Variants in ACSS1 observed in about 807,000 individuals in gnomAD.
The protein encoded by ACSS1 is acyl-CoA synthetase short chain family member 1.
Under a neutral mutation model 75.3 loss-of-function variants are expected in ACSS1, and 42 were observed. The ratio of observed to expected loss-of-function variants is 0.56; its 90% CI spans 0.44 to 0.72. The LOEUF is 0.72. Ranked by LOEUF, ACSS1 falls within the 30% of genes least tolerant of loss-of-function variation. The probability of loss-of-function intolerance (pLI) is 0.00; values close to 1 mark genes in which losing one functional copy is unlikely to be tolerated. For synonymous variants in ACSS1, 380 were observed against 376.8 expected (o/e 1.01, Z -0.10); for missense variants, 782 against 935.7 (o/e 0.84, Z 2.14).
rs1268849833 is a variant in ACSS1 at position 25,057,860 on chromosome 20, G to A, written c.243C>T (p.Leu81=). 4.3e-6 allele frequency: 7 copies of A among 1,612,680 alleles called. No homozygotes were observed. The highest frequency in any genetic ancestry group is 2.2e-5 in the South Asian group (2 of 90,976). Residue 81 remains leucine (L), a synonymous_variant, in exon 1 of 14, where the codon CTC becomes CTT. Coordinates refer to ENST00000323482, the MANE Select transcript of ACSS1 (RefSeq NM_032501.4). The part of the protein sequence containing the change: ...AFWGPLARDT[L]VWDTPYHTVW... ...CGGTGTGGTAGGGGGTGTCCCACAC[G>A]AGAGTGTCCCGCGCCAGAGGCCCCC...
rs117471189 is a variant in ACSS1, at chr20:25,029,685, G to C, written c.631+1074C>G. 3.0e-3 allele frequency among the ~76,000 whole-genome samples: 454 copies of C among 152,274 alleles called. 19 individuals are homozygous for C. The East Asian group carries it at 0.082, about 28-fold the overall frequency. ...ATACATGCCACAACATGGATGAATG[G>C]AGAATGTCTGCTTAATGGGTGTAAA... On this transcript the variant is annotated intron_variant, in intron 3 of 13. Transcript: ENST00000323482.
chr20:25,031,402 G>T (rs148355996), intron 2 of ACSS1, among the ~76,000 whole-genome samples: 4 of 152,254 alleles, frequency 2.6e-5, no homozygotes, highest in African/African-American at 7.2e-5. Context: ...ATGTCCAGAT[G>T]CCCCAATATT....
intron 2 of ACSS1, among the ~76,000 whole-genome samples, chr20:25,040,590 C>G (rs1288987564): frequency 6.6e-6 from 1 of 152,252 alleles, no homozygotes. Context: ...AGTTTCTCTG[C>G]AAAAGAAGCC....
At chr20:25,045,324 G>A (rs1186779974) in intron 2 of ACSS1, among the ~76,000 whole-genome samples, 1 of 152,150 alleles carries the variant, frequency 6.6e-6, no homozygotes, top group Non-Finnish European at 1.5e-5. Context: ...AGGACCTGGG[G>A]AAGCAGGGAT....
chr20:25,032,497 T>G (rs575810294), intron 2 of ACSS1: 1 of 1,272,560 alleles, frequency 7.9e-7, no homozygotes, highest in Non-Finnish European at 9.9e-7. Flanking sequence ...TGTACTGACT[T>G]TAATTAATTA....
Position 25,007,330 on chromosome 20 carries a change from T to C in ACSS1, c.*432A>G, listed in dbSNP as rs773166186. The C allele has an allele frequency of 5.6e-6, 6 of 1,072,768 alleles. No individual in the cohort carries two copies. Among genetic ancestry groups the C allele is most frequent in the African/African-American group, 5.0e-5 (3 of 60,236 alleles). 66.5% of individuals were successfully genotyped at this position (1,072,768 alleles called of 1,614,324 possible). A position where few individuals can be genotyped will look rare whatever the true frequency, so the allele number is the denominator to read the frequency against. On this transcript the variant is annotated 3_prime_UTR_variant, in exon 14 of 14. Transcript: ENST00000323482. ...AGTGTTGCATGCTGTTCTTCCACAA[T>C]ATAAAAGTATAAAAATAAGATTTCT...
At chr20:25,038,375 A>T (rs1163768961) in intron 2 of ACSS1, among the ~76,000 whole-genome samples, 1 of 152,148 alleles carries the variant, frequency 6.6e-6, no homozygotes, top group Non-Finnish European at 1.5e-5. Context: ...TAATAATAGG[A>T]CCCACTACCA....
intron 3 of ACSS1, among the ~76,000 whole-genome samples, chr20:25,029,232 T>C (rs1047876149): frequency 6.6e-6 from 1 of 152,224 alleles, no homozygotes; most frequent in Non-Finnish European, 1.5e-5. Flanking sequence ...TTAAGTAGAC[T>C]TTGTCCAGTG....
chr20:25,015,044 C>T (rs556094599), intron 8 of ACSS1, 94 bp downstream of exon 8: 1 of 1,103,578 alleles, frequency 9.1e-7, no homozygotes, highest in African/African-American at 1.6e-5. Flanking sequence ...TTCTATCGCA[C>T]CTGCTGTTGA....
intron 2 of ACSS1, among the ~76,000 whole-genome samples, chr20:25,037,035 A>G (rs1425335329): frequency 6.6e-6 from 1 of 151,762 alleles, no homozygotes; most frequent in African/African-American, 2.4e-5. Context: ...GAAGGAAAGA[A>G]AGAAAGAGGG....
chr20:25,052,083 T>C (rs1255776990), intron 1 of ACSS1, among the ~76,000 whole-genome samples: 1 of 152,206 alleles, frequency 6.6e-6, no homozygotes, highest in Non-Finnish European at 1.5e-5. Flanking sequence ...AACACCCATG[T>C]GCACATGGCT....
At chr20:25,011,848 G>A (rs1473345685) in intron 12 of ACSS1, 1 of 152,282 alleles carries the variant, frequency 6.6e-6, no homozygotes, top group Admixed American at 6.5e-5. Flanking sequence ...CCAGCGGGAG[G>A]GCAAGCCTGA....
At chr20:25,045,975 G>A (rs1438341669) in intron 2 of ACSS1, 2 of 151,920 alleles carry the variant, frequency 1.3e-5, no homozygotes, top group Non-Finnish European at 2.9e-5. Flanking sequence ...ACCCAGGATG[G>A]AGTGCAGTGG....
chr20:25,006,717 G>T lies in ACSS1; in HGVS notation c.*1045C>A. 1.7e-6 allele frequency: 2 copies of T among 1,206,222 alleles called. No homozygotes were observed. Among genetic ancestry groups the T allele is most frequent in the Non-Finnish European group, 2.3e-6 (2 of 883,392 alleles). 74.7% of individuals were successfully genotyped at this position (1,206,222 alleles called of 1,614,324 possible). On this transcript the variant is annotated 3_prime_UTR_variant, in exon 14 of 14. Coordinates refer to ENST00000323482, the MANE Select transcript of ACSS1 (RefSeq NM_032501.4). ...TCGTGATTTCCATTATCTTGCTAAT[G>T]TTGACAGCACCTAAGTCACATTAAA... is the stretch of plus-strand genomic sequence containing the variant.
At chr20:25,020,183 G>A (rs2088596224) in intron 6 of ACSS1, 36 bp from the exon 7 acceptor site, 9 of 1,612,918 alleles carry the variant, frequency 5.6e-6, no homozygotes, top group South Asian at 3.3e-5. Context: ...CAGCAGGAGA[G>A]CTGACATGGT....
At chr20:25,031,163 A>G (rs1478109661) in intron 2 of ACSS1, 3 of 672,394 alleles carry the variant, frequency 4.5e-6, no homozygotes, top group Non-Finnish European at 8.0e-6. Flanking sequence ...ATTGGCAGAG[A>G]TTCACTGCCA....
chr20:25,012,998 C>CCT, intron 10 of ACSS1, 59 bp from the exon 11 acceptor site: 2 of 1,610,658 alleles, frequency 1.2e-6, no homozygotes, highest in Non-Finnish European at 1.7e-6. Flanking sequence ...CATGTCCCAA[C>CCT]CTCAGTAAGC....
At chr20:25,040,693 C>A (rs1445145219) in intron 2 of ACSS1, among the ~76,000 whole-genome samples, 1 of 152,210 alleles carries the variant, frequency 6.6e-6, no homozygotes, top group Non-Finnish European at 1.5e-5. Context: ...GGAAGATATG[C>A]ACACACAACT....
At chr20:25,042,517 G>A (rs2089021176) in intron 2 of ACSS1, among the ~76,000 whole-genome samples, 1 of 152,146 alleles carries the variant, frequency 6.6e-6, no homozygotes, top group South Asian at 2.1e-4. Flanking sequence ...TCACACACGG[G>A]TCAACGAGGC....
Sources: allele counts gnomAD v4.1 joint callset (sites outside exome capture counted in the v4.1 genomes callset), GRCh38; gene constraint gnomAD v4.1.1; transcripts MANE v1.5; gene names NCBI Gene and HGNC (gene_info 2026-07-23, HGNC 2026-07-21).